The following TTC7B variants were observed in gnomAD, a reference collection of about 807,000 sequenced individuals.
TTC7B encodes the protein tetratricopeptide repeat domain 7B, also known as tetratricopeptide repeat protein 7B.
TTC7B carries 28 observed loss-of-function variants against 106.8 expected under a neutral mutation model. The observed-to-expected ratio is 0.26, with a 90% CI of 0.19 to 0.36. TTC7B has a LOEUF of 0.36. TTC7B is among the 10% of genes least tolerant of loss of function. The pLI is 1.00. For missense variants in TTC7B, 862 were observed against 1,076.4 expected (o/e 0.80, Z 2.79); for synonymous variants, 405 against 430.6 (o/e 0.94, Z 0.74).
At chr14:90,564,755 T>C (rs1354459957) in intron 19 of TTC7B, among the ~76,000 whole-genome samples, 2 of 151,988 alleles carry the variant, frequency 1.3e-5, no homozygotes, top group African/African-American at 4.8e-5. Context: ...ACAAAAAACT[T>C]AAAAAATTAG....
At chr14:90,622,116 AT>A (rs34021447) in intron 15 of TTC7B, among the ~76,000 whole-genome samples, 48,085 of 134,926 alleles carry the variant, frequency 0.36, 8,879 homozygotes, top group African/African-American at 0.55. Context: ...CATGATTCTA[AT>A]TTTTTTTTTT....
In TTC7B at chr14:90,532,690, TC is replaced by T. The variant is rs1207927625; in HGVS notation, c.*8677del. 3 of 152,170 alleles carry T rather than the reference TC, an allele frequency of 2.0e-5. No homozygotes were observed. The highest frequency in any genetic ancestry group is 4.4e-5 in the Non-Finnish European group (3 of 68,036). 9.4% of individuals were successfully genotyped at this position (152,170 alleles called of 1,614,324 possible). A position where few individuals can be genotyped will look rare whatever the true frequency, so the allele number is the denominator to read the frequency against. On this transcript the variant is annotated 3_prime_UTR_variant, in exon 20 of 20. Coordinates refer to ENST00000328459, the MANE Select transcript of TTC7B (RefSeq NM_001010854.2). ...CTCTGTTTGGGGTCTGTCTTCCCAGTCCCCAATAAGACCACCAGCTCCCCAG... is the reference window on the plus strand; with the variant it reads ...CTCTGTTTGGGGTCTGTCTTCCCAGTCCCAATAAGACCACCAGCTCCCCAG...
At position 90,537,461 on chromosome 14, in the gene TTC7B, G is replaced by A. The variant is rs1448920431; in HGVS notation, c.*3907C>T. 1 of 152,058 alleles carries A rather than the reference G, an allele frequency of 6.6e-6. No individual in the cohort carries two copies. Among genetic ancestry groups the A allele is most frequent in the Non-Finnish European group, 1.5e-5 (1 of 68,128 alleles). The allele number at this position is 152,058 out of a possible 1,614,324, so 9.4% of individuals were successfully genotyped here. The stretch of plus-strand genomic sequence containing the variant: ...CTGCCTCAGCCTCCCTAAGTGCTGG[G>A]ATTACAGGCAGGAGCCACCATGCCC... On this transcript the variant is annotated 3_prime_UTR_variant, in exon 20 of 20. Transcript: ENST00000328459.
At chr14:90,673,409 C>T (rs1258798642) in intron 9 of TTC7B, among the ~76,000 whole-genome samples, 2 of 151,712 alleles carry the variant, frequency 1.3e-5, no homozygotes, top group African/African-American at 2.4e-5. Flanking sequence ...TCATTATGGG[C>T]GGAAAGGAAA....
At chr14:90,548,766 GGTCT>G (rs764522273) in intron 19 of TTC7B, among the ~76,000 whole-genome samples, 1 of 152,278 alleles carries the variant, frequency 6.6e-6, no homozygotes, top group Non-Finnish European at 1.5e-5. Context: ...ACTGAGCGTG[GGTCT>G]GTCTGCCTGG....
chr14:90,636,378 A>T (rs1884942103), intron 15 of TTC7B, among the ~76,000 whole-genome samples: 1 of 151,520 alleles, frequency 6.6e-6, no homozygotes, highest in Admixed American at 6.6e-5. Flanking sequence ...TATGCAACTA[A>T]TAGCACAGCT....
At chr14:90,792,819 G>T (rs938373015) in intron 1 of TTC7B, among the ~76,000 whole-genome samples, 2 of 152,130 alleles carry the variant, frequency 1.3e-5, no homozygotes, top group Non-Finnish European at 1.5e-5. Flanking sequence ...GATGGAAAAT[G>T]TGGGGAAAAG....
intron 1 of TTC7B, among the ~76,000 whole-genome samples, chr14:90,804,570 G>A (rs74085565): frequency 0.013 from 2,003 of 152,308 alleles, 47 homozygotes; most frequent in African/African-American, 0.046. Context: ...TTGTGAGTGC[G>A]GTGGAGCAGA....
chr14:90,562,871 C>G (rs919188665), intron 19 of TTC7B, among the ~76,000 whole-genome samples: 1 of 152,218 alleles, frequency 6.6e-6, no homozygotes, highest in African/African-American at 2.4e-5. Flanking sequence ...CACCTGTCTT[C>G]CCACTTGTGG....
rs1891320280 is a variant in TTC7B, at chr14:90,577,861, C to A, written c.2310+245G>T. On this transcript the variant is annotated intron_variant, in intron 19 of 19. Transcript: ENST00000328459. The surrounding 1 kb of genome is among the most constrained non-coding windows in gnomAD (Gnocchi z 5.0). ...GTGGCTTAGACTGCTGGCCAGGAGACCACAGCACCTAACAGGATGTCGGGT... is the reference window on the plus strand; with the variant it reads ...GTGGCTTAGACTGCTGGCCAGGAGAACACAGCACCTAACAGGATGTCGGGT... Among the ~76,000 whole-genome samples the A allele has an allele frequency of 6.6e-6, 1 of 152,250 alleles. No individual in the cohort carries two copies. Among genetic ancestry groups the A allele is most frequent in the Admixed American group, 6.5e-5 (1 of 15,286 alleles).
At chr14:90,708,209 A>G (rs1888294098) in intron 5 of TTC7B, among the ~76,000 whole-genome samples, 1 of 152,074 alleles carries the variant, frequency 6.6e-6, no homozygotes, top group Non-Finnish European at 1.5e-5. Flanking sequence ...TAGAAGCTAC[A>G]GAAAGTTATC....
rs1891215995 is a variant in TTC7B at position 90,575,341 on chromosome 14, C to T, written c.2310+2765G>A. On this transcript the variant is annotated intron_variant, in intron 19 of 19. Transcript: ENST00000328459. The surrounding 1 kb of genome is among the most constrained non-coding windows in gnomAD (Gnocchi z 5.2). ...GAATAACCTGTCCAAGGCCCCACAG[C>T]GAATGGGGCCAGAGCTGTGATTCTA... 6.6e-6 allele frequency among the ~76,000 whole-genome samples: 1 copy of T among 152,234 alleles called. No homozygotes were observed. Among genetic ancestry groups the T allele is most frequent in the Admixed American group, 6.5e-5 (1 of 15,280 alleles).
intron 5 of TTC7B, among the ~76,000 whole-genome samples, chr14:90,724,723 T>C (rs1407576479): frequency 6.6e-6 from 1 of 152,192 alleles, no homozygotes; most frequent in Non-Finnish European, 1.5e-5. Context: ...GTAAGCCAAT[T>C]AAACCTCTTT....
intron 5 of TTC7B, among the ~76,000 whole-genome samples, chr14:90,710,872 C>T (rs1020376155): frequency 6.6e-6 from 1 of 152,126 alleles, no homozygotes; most frequent in African/African-American, 2.4e-5. Flanking sequence ...ATTCATGTGA[C>T]TTGTTTTATT....
rs11850569 is a variant in TTC7B at position 90,748,074 on chromosome 14, A to G, written c.446-3152T>C. ...AGTTGAGTTTTGCTTATTTTTTCCA[A>G]TCTGACAATCTCTAACTTTTAAATA... On this transcript the variant is annotated intron_variant, in intron 3 of 19. Transcript: ENST00000328459. Among the ~76,000 whole-genome samples, 1,373 of 152,130 alleles carry G rather than the reference A, an allele frequency of 9.0e-3. 29 individuals carry two copies. The highest frequency in any genetic ancestry group is 0.031 in the African/African-American group (1,302 of 41,484).
chr14:90,572,601 G>GTT (rs1355016569), intron 19 of TTC7B, among the ~76,000 whole-genome samples: 1 of 152,214 alleles, frequency 6.6e-6, no homozygotes, highest in East Asian at 1.9e-4. Context: ...TCAGAGAACA[G>GTT]AAGATCATAG....
intron 8 of TTC7B, chr14:90,677,907 C>T (rs771846808): frequency 4.2e-5 from 18 of 433,140 alleles, no homozygotes; most frequent in East Asian, 2.9e-4. Flanking sequence ...TCATCTCTTA[C>T]GGAAACAAGC....
intron 5 of TTC7B, among the ~76,000 whole-genome samples, chr14:90,727,867 G>A (rs1889169359): frequency 6.6e-6 from 1 of 152,192 alleles, no homozygotes; most frequent in African/African-American, 2.4e-5. Flanking sequence ...AGACAACTGG[G>A]AGCAAGTACC....
intron 19 of TTC7B, among the ~76,000 whole-genome samples, chr14:90,551,658 C>A (rs1482638514): frequency 2.0e-5 from 3 of 152,174 alleles, no homozygotes; most frequent in Non-Finnish European, 2.9e-5. Flanking sequence ...AAATAGACTG[C>A]AAACCAGTAC....
Sources: gnomAD v4.1 joint callset for allele counts (sites outside exome capture counted in the v4.1 genomes callset) on GRCh38, gnomAD v4.1.1 for gene constraint, Gnocchi (gnomAD v3.1) non-coding constraint, MANE v1.5 for transcripts, NCBI Gene and HGNC (gene_info 2026-07-23, HGNC 2026-07-21) for gene names.